Variants in RANGAP1 observed in about 807,000 individuals in gnomAD.
The protein encoded by RANGAP1 is ran GTPase-activating protein 1.
A neutral mutation model predicts 63.5 loss-of-function variants in RANGAP1; 38 were observed. That is an observed-to-expected ratio of 0.60 (90% CI 0.46 to 0.78). The LOEUF is 0.78. Among genes scored for constraint, RANGAP1 ranks in the 30% least tolerant of loss-of-function variants. The pLI is 0.00. For synonymous variants in RANGAP1, 329 were observed against 310.5 expected (o/e 1.06, Z -0.63); for missense variants, 630 against 740.3 (o/e 0.85, Z 1.73).
chr22:41,300,228 T>C, the RANGAP1 span, among the ~76,000 whole-genome samples: 1 of 151,918 alleles, frequency 6.6e-6, no homozygotes, highest in Non-Finnish European at 1.5e-5. Flanking sequence ...TTCAAGAATA[T>C]GTGTTCATTA....
intron 6 of RANGAP1, among the ~76,000 whole-genome samples, chr22:41,260,114 C>A (rs1249700224): frequency 1.3e-5 from 2 of 151,778 alleles, no homozygotes; most frequent in Non-Finnish European, 2.9e-5. Context: ...CATTTATAAT[C>A]AAAGGTCACA....
At chr22:41,285,546 C>G in intron 1 of RANGAP1, 4 of 985,458 alleles carry the variant, frequency 4.1e-6, no homozygotes, top group South Asian at 4.7e-5. Flanking sequence ...TGACTCACAT[C>G]GATTCCAGGG....
intron 10 of RANGAP1, 30 bp downstream of exon 10, chr22:41,255,991 C>T (rs1415626393): frequency 5.0e-6 from 8 of 1,601,726 alleles, no homozygotes; most frequent in African/African-American, 1.3e-5. Flanking sequence ...GGCCTGACCC[C>T]GACCTCTGGG....
upstream of RANGAP1, among the ~76,000 whole-genome samples, chr22:41,287,892 A>G (rs1490397709): frequency 2.6e-5 from 4 of 152,070 alleles, no homozygotes; most frequent in Non-Finnish European, 5.9e-5. Flanking sequence ...AGGCTGAGGC[A>G]GAAGAATCGC....
At chr22:41,282,924 C>G (rs1184317212) in intron 1 of RANGAP1, among the ~76,000 whole-genome samples, 2 of 152,134 alleles carry the variant, frequency 1.3e-5, no homozygotes, top group South Asian at 2.1e-4. Context: ...TCCGAAAGGC[C>G]TCCTCCTACA....
upstream of RANGAP1, among the ~76,000 whole-genome samples, chr22:41,287,336 G>A (rs933298613): frequency 2.0e-5 from 3 of 150,698 alleles, no homozygotes; most frequent in Non-Finnish European, 3.0e-5. Context: ...CAACTTTTCT[G>A]TAGGTGTGAA....
intron 2 of RANGAP1, among the ~76,000 whole-genome samples, chr22:41,278,038 GTT>G (rs376152766): frequency 3.0e-5 from 4 of 132,178 alleles, no homozygotes; most frequent in East Asian, 2.2e-4. Flanking sequence ...CCAAACTTGA[GTT>G]TTTTTTTTTT....
intron 2 of RANGAP1, among the ~76,000 whole-genome samples, chr22:41,276,358 C>A (rs2035143829): frequency 6.6e-6 from 1 of 152,136 alleles, no homozygotes; most frequent in Non-Finnish European, 1.5e-5. Flanking sequence ...ACAAAATGGG[C>A]TGGGAGTAGT....
chr22:41,290,901 C>A (rs1232561997), upstream of RANGAP1, among the ~76,000 whole-genome samples: 1 of 152,164 alleles, frequency 6.6e-6, no homozygotes, highest in African/African-American at 2.4e-5. Context: ...ATTCCCAACA[C>A]CCAACTGGGT....
chr22:41,279,811 A>C (rs1208343483), intron 2 of RANGAP1, among the ~76,000 whole-genome samples: 1 of 151,660 alleles, frequency 6.6e-6, no homozygotes, highest in African/African-American at 2.4e-5. Flanking sequence ...AAAAAAAAAA[A>C]AAAAAGCCGG....
At chr22:41,285,774 C>T (rs1273665185) in intron 1 of RANGAP1, 3 of 868,102 alleles carry the variant, frequency 3.5e-6, no homozygotes, top group Admixed American at 6.2e-5. Context: ...GAGTCAGACG[C>T]CCTTTAAGCC....
chr22:41,268,793 G>A (rs989280833), intron 3 of RANGAP1, among the ~76,000 whole-genome samples: 1 of 151,752 alleles, frequency 6.6e-6, no homozygotes, highest in Middle Eastern at 3.2e-3. Flanking sequence ...AGTGGCTCAC[G>A]CCTGTAATCC....
chr22:41,253,686 A>G (rs1435945112), intron 11 of RANGAP1, among the ~76,000 whole-genome samples: 1 of 152,220 alleles, frequency 6.6e-6, no homozygotes, highest in Non-Finnish European at 1.5e-5. Context: ...GGGAAAAAAA[A>G]AATCAGAATT....
At chr22:41,271,963 T>C (rs867916827) in intron 3 of RANGAP1, among the ~76,000 whole-genome samples, 2 of 152,196 alleles carry the variant, frequency 1.3e-5, no homozygotes, top group African/African-American at 4.8e-5. Flanking sequence ...CTCGAGCCAC[T>C]GCATCTGTAG....
Position 41,281,138 on chromosome 22 carries a change from G to C in RANGAP1, c.-38-56C>G, listed in dbSNP as rs1010193293. The C allele has an allele frequency of 6.2e-6, 9 of 1,451,750 alleles. No homozygotes were observed. In the Admixed American group the frequency reaches 2.2e-4, roughly 36 times the overall value. 89.9% of individuals were successfully genotyped at this position (1,451,750 alleles called of 1,614,324 possible). A position where few individuals can be genotyped will look rare whatever the true frequency, so the allele number is the denominator to read the frequency against. ...GGAGTCTCCTGGGGCCCCTGGTTGG[G>C]GGCAGGGTAGGACATCAGCCATCTC... On this transcript the variant is annotated intron_variant, in intron 1 of 15. Transcript: ENST00000356244.
chr22:41,284,774 G>A (rs1408721658), intron 1 of RANGAP1: 1 of 152,216 alleles, frequency 6.6e-6, no homozygotes, highest in Non-Finnish European at 1.5e-5. Context: ...TGGGATGTAA[G>A]GTGGGAGGAT....
intron 3 of RANGAP1, among the ~76,000 whole-genome samples, chr22:41,268,708 A>T (rs1047965555): frequency 3.3e-5 from 5 of 152,236 alleles, no homozygotes; most frequent in African/African-American, 1.2e-4. Context: ...ACAACCCTCT[A>T]GGTGGACGTG....
chr22:41,272,868 A>G (rs922805489), intron 3 of RANGAP1, among the ~76,000 whole-genome samples: 7 of 150,896 alleles, frequency 4.6e-5, no homozygotes, highest in African/African-American at 1.5e-4. Context: ...GCTGGAGTGT[A>G]GTGGTGCAAT....
In RANGAP1 at chr22:41,252,859, G is replaced by A. The variant is rs996296677; in HGVS notation, c.1380+13C>T. On this transcript the variant is annotated intron_variant, in intron 12 of 15. Coordinates refer to ENST00000356244, the MANE Select transcript of RANGAP1 (RefSeq NM_002883.4). ...CAGCACGTACAGCGTGGGGGTCGAG[G>A]GGTGGTTATTACCTGCTGGGCTATC... 1 of 1,565,822 alleles carries A rather than the reference G, an allele frequency of 6.4e-7. No individual in the cohort carries two copies. The highest frequency in any genetic ancestry group is 2.5e-5 in the East Asian group (1 of 39,332).
Sources: gnomAD v4.1 joint callset for allele counts (sites outside exome capture counted in the v4.1 genomes callset) on GRCh38, gnomAD v4.1.1 for gene constraint, MANE v1.5 for transcripts, NCBI Gene and HGNC (gene_info 2026-07-23, HGNC 2026-07-21) for gene names.